ZNF608: variants seen among roughly 807,000 people sequenced by gnomAD.
ZNF608 encodes the protein renal carcinoma antigen NY-REN-36.
Under a neutral mutation model 109.0 loss-of-function variants are expected in ZNF608, and 12 were observed. The observed-to-expected ratio is 0.11, with a 90% CI of 0.07 to 0.18. ZNF608 has a LOEUF of 0.18. Among genes scored for constraint, ZNF608 ranks in the 10% least tolerant of loss-of-function variants. ZNF608 has a pLI of 1.00. For missense variants in ZNF608, 1,707 were observed against 1,879.3 expected (o/e 0.91, Z 1.70); for synonymous variants, 732 against 717.4 (o/e 1.02, Z -0.33).
Position 124,647,121 on chromosome 5 carries a change from T to C in ZNF608, c.3263A>G (p.Tyr1088Cys). ...LYYGQYAYGL[Y>C]MDQKSLMATS... ...GGCCATCAGAGACTTCTGGTCCATA[T>C]AGAGCCCATATGCATACTGGCCATA... Residue 1088 changes from tyrosine (Y) to cysteine (C), a missense_variant, in exon 5 of 10, where the codon TAT becomes TGT. Transcript: ENST00000513986. 2.5e-6 allele frequency: 4 copies of C among 1,614,190 alleles called. No individual in the cohort carries two copies. Among genetic ancestry groups the C allele is most frequent in the Non-Finnish European group, 3.4e-6 (4 of 1,180,040 alleles).
chr5:124,732,593 C>T (rs1335717517), intron 2 of ZNF608, among the ~76,000 whole-genome samples: 1 of 151,400 alleles, frequency 6.6e-6, no homozygotes, highest in East Asian at 1.9e-4. Context: ...CAGGCAACTG[C>T]TTTTCCCCCT....
intron 2 of ZNF608, chr5:124,708,150 GGGCTT>G (rs1753336333): frequency 6.6e-6 from 1 of 152,190 alleles, no homozygotes; most frequent in African/African-American, 2.4e-5. Context: ...TAAAGTCCAT[GGGCTT>G]TCTCATAAAA....
intron 2 of ZNF608, among the ~76,000 whole-genome samples, chr5:124,714,628 T>C (rs905995934): frequency 6.6e-6 from 1 of 152,240 alleles, no homozygotes; most frequent in African/African-American, 2.4e-5. Flanking sequence ...CCTAATTGTA[T>C]TTAATGTAAT....
chr5:124,689,594 C>A (rs1414416546), intron 3 of ZNF608, among the ~76,000 whole-genome samples: 2 of 152,000 alleles, frequency 1.3e-5, no homozygotes. Flanking sequence ...AAAACCTTAA[C>A]AGTCAGCTCA....
In ZNF608 at chr5:124,745,006, C is replaced by G. The variant is rs758675949; in HGVS notation, c.-17G>C. On this transcript the variant is annotated 5_prime_UTR_variant, in exon 2 of 10. Coordinates refer to ENST00000513986, the MANE Select transcript of ZNF608 (RefSeq NM_020747.3). ...CACTGACATCCTGAAGATGAGCTCT[C>G]TAGAATAAAAATCCGATGAACTTTT... is the stretch of plus-strand genomic sequence containing the variant. 15 of 1,575,064 alleles carry G rather than the reference C, an allele frequency of 9.5e-6. No homozygotes were observed. The Admixed American group carries it at 2.4e-4, about 25-fold the overall frequency.
At chr5:124,740,960 G>A (rs1580724937) in intron 2 of ZNF608, among the ~76,000 whole-genome samples, 1 of 152,164 alleles carries the variant, frequency 6.6e-6, no homozygotes, top group Non-Finnish European at 1.5e-5. Context: ...AGATGGCTAG[G>A]AGGATACATA....
chr5:124,728,168 T>G (rs6868060), intron 2 of ZNF608, among the ~76,000 whole-genome samples: 1 of 152,168 alleles, frequency 6.6e-6, no homozygotes, highest in East Asian at 1.9e-4. Context: ...CTCCTCCTAT[T>G]AGACCAGTCC....
At chr5:124,698,303 G>A (rs1263944333) in intron 3 of ZNF608, among the ~76,000 whole-genome samples, 3 of 152,204 alleles carry the variant, frequency 2.0e-5, no homozygotes, top group Non-Finnish European at 2.9e-5. Flanking sequence ...CAAATGGAAC[G>A]CTCTTGCAAA....
rs375843290 is a variant in ZNF608 at position 124,637,851 on chromosome 5, C to T, written c.*49G>A. ...CCATGGAACTGATGTCTGTATAAAG[C>T]GCTTCCCCATGTGATCCAGTCACAT... On this transcript the variant is annotated 3_prime_UTR_variant, in exon 10 of 10. Coordinates refer to ENST00000513986, the MANE Select transcript of ZNF608 (RefSeq NM_020747.3). The T allele has an allele frequency of 7.6e-5, 121 of 1,595,894 alleles. No individual in the cohort carries two copies. Among genetic ancestry groups the T allele is most frequent in the East Asian group, 3.5e-4 (15 of 43,378 alleles).
Position 124,693,646 on chromosome 5 carries a change from A to C in ZNF608, c.1162+7368T>G, listed in dbSNP as rs539804094. ...CAAAAAACAAATATTTGATCTAAAA[A>C]CATTAAACTGAATCCTACTCAACAG... On this transcript the variant is annotated intron_variant, in intron 3 of 9. Coordinates refer to ENST00000513986, the MANE Select transcript of ZNF608 (RefSeq NM_020747.3). Among the ~76,000 whole-genome samples, 6 of 152,318 alleles carry C rather than the reference A, an allele frequency of 3.9e-5. 1 individual carries two copies. The South Asian group carries it at 1.2e-3, about 32-fold the overall frequency.
intron 2 of ZNF608, among the ~76,000 whole-genome samples, chr5:124,705,554 C>T (rs1236802587): frequency 2.0e-5 from 3 of 152,178 alleles, no homozygotes; most frequent in Non-Finnish European, 2.9e-5. Flanking sequence ...CCTAACCCTG[C>T]ACCCAACCTT....
At chr5:124,742,721 T>A (rs1008328558) in intron 2 of ZNF608, among the ~76,000 whole-genome samples, 1 of 152,188 alleles carries the variant, frequency 6.6e-6, no homozygotes. Context: ...TATCAACTTT[T>A]AAAAATCAAA....
intron 3 of ZNF608, among the ~76,000 whole-genome samples, chr5:124,697,076 C>T (rs1752876594): frequency 6.6e-6 from 1 of 152,004 alleles, no homozygotes; most frequent in South Asian, 2.1e-4. Flanking sequence ...TACCACTTTT[C>T]TTTCTCTCAC....
chr5:124,737,503 T>C (rs1457261342), intron 2 of ZNF608, among the ~76,000 whole-genome samples: 3 of 152,222 alleles, frequency 2.0e-5, no homozygotes, highest in Non-Finnish European at 4.4e-5. Context: ...TTGAGTTCTT[T>C]ATTACAGTTA....
chr5:124,736,968 A>G (rs1285253817), intron 2 of ZNF608, among the ~76,000 whole-genome samples: 1 of 152,214 alleles, frequency 6.6e-6, no homozygotes, highest in East Asian at 1.9e-4. Flanking sequence ...TATTATTTCA[A>G]ACTGTCAGGG....
intron 3 of ZNF608, among the ~76,000 whole-genome samples, chr5:124,690,034 T>G (rs185555238): frequency 7.2e-5 from 11 of 151,858 alleles, no homozygotes. Flanking sequence ...AATGAAATAA[T>G]ATTCAGTACT....
intron 3 of ZNF608, 126 bp downstream of exon 3, chr5:124,700,888 A>T: frequency 7.8e-7 from 1 of 1,281,972 alleles, no homozygotes; most frequent in Non-Finnish European, 1.1e-6. Flanking sequence ...AAATCCAGAG[A>T]GCGGAAATAA....
Position 124,648,427 on chromosome 5 carries a change from C to T in ZNF608, c.1957G>A (p.Gly653Ser). 1 of 1,614,128 alleles carries T rather than the reference C, an allele frequency of 6.2e-7. No individual in the cohort carries two copies. ...LMSNGPGSII[G>S]AKAGKNSGKK... ...CCAGAATTCTTCCCAGCTTTAGCAC[C>T]AATAATGGAACCTGGGCCATTGCTC... Residue 653 changes from glycine (G) to serine (S), a missense_variant, in exon 5 of 10, where the codon GGT becomes AGT. Physicochemically the swap from Gly to Ser is moderately conservative, Grantham distance 56. Transcript: ENST00000513986.
At chr5:124,669,912 T>C (rs1751645575) in intron 3 of ZNF608, among the ~76,000 whole-genome samples, 1 of 152,190 alleles carries the variant, frequency 6.6e-6, no homozygotes, top group South Asian at 2.1e-4. Flanking sequence ...TGTGTTGAGT[T>C]TTCCCAGGAA....
Sources: allele counts gnomAD v4.1 joint callset (sites outside exome capture counted in the v4.1 genomes callset), GRCh38; gene constraint gnomAD v4.1.1; transcripts MANE v1.5; gene names NCBI Gene and HGNC (gene_info 2026-07-23, HGNC 2026-07-21).